Variants in SCUBE1 observed in about 807,000 individuals in gnomAD.
SCUBE1 encodes signal peptide, CUB and EGF-like domain-containing protein 1.
A neutral mutation model predicts 124.4 loss-of-function variants in SCUBE1; 59 were observed. The observed-to-expected ratio is 0.47, with a 90% CI of 0.38 to 0.59. SCUBE1 has a LOEUF of 0.59. SCUBE1 is among the 20% of genes least tolerant of loss of function. The probability of loss-of-function intolerance (pLI) is 0.00; values close to 1 mark genes in which losing one functional copy is unlikely to be tolerated. For synonymous variants in SCUBE1, 545 were observed against 550.9 expected, an observed-to-expected ratio of 0.99 and a Z score of 0.15; for missense variants, 1,150 against 1,371.2, an observed-to-expected ratio of 0.84 and a Z score of 2.55.
intron 3 of SCUBE1, among the ~76,000 whole-genome samples, chr22:43,295,568 G>A (rs1925526140): frequency 6.6e-6 from 1 of 152,214 alleles, no homozygotes; most frequent in African/African-American, 2.4e-5. Flanking sequence ...GGGGGCTTCA[G>A]CTGTGAGTGG....
intron 3 of SCUBE1, among the ~76,000 whole-genome samples, chr22:43,293,146 G>A (rs1167752992): frequency 6.6e-6 from 1 of 152,216 alleles, no homozygotes; most frequent in Non-Finnish European, 1.5e-5. Context: ...TGCCCCTGGG[G>A]TCTGTCTCCA....
At chr22:43,237,041 G>C (rs938433595) in intron 7 of SCUBE1, among the ~76,000 whole-genome samples, 2 of 151,932 alleles carry the variant, frequency 1.3e-5, no homozygotes, top group African/African-American at 4.8e-5. Context: ...TCTGGCCAAA[G>C]GGCTGAGTGG....
At chr22:43,330,145 C>T (rs8142062) in intron 2 of SCUBE1, among the ~76,000 whole-genome samples, 5,838 of 152,118 alleles carry the variant, frequency 0.038, 129 homozygotes, top group African/African-American at 0.047. Flanking sequence ...CTCCTCAAAT[C>T]TCTACTCAAA....
chr22:43,220,533 C>T lies in SCUBE1; in HGVS notation c.1604G>A (p.Arg535His), dbSNP rs771379788. 74 of 1,613,998 alleles carry T rather than the reference C, an allele frequency of 4.6e-5. No homozygotes were observed. The highest frequency in any genetic ancestry group is 2.0e-4 in the East Asian group (9 of 44,904). ...TLKCDSSKKRRRGRKSPSKEV... is the reference protein window; with the variant it reads ...TLKCDSSKKRHRGRKSPSKEV... ...CTTGGATGGGGACTTGCGGCCACGG[C>T]GCCTCTTCTTGGAGGAGTCACACTT... Residue 535 changes from arginine to histidine, a missense_variant, in exon 14 of 22, where the codon CGC (arginine) becomes CAC (histidine). Transcript: ENST00000360835.
chr22:43,341,812 TG>T (rs1409079891), intron 1 of SCUBE1, among the ~76,000 whole-genome samples: 2 of 152,098 alleles, frequency 1.3e-5, no homozygotes, highest in African/African-American at 4.8e-5. Context: ...GACATGCTGC[TG>T]GGGTTTCACA....
At chr22:43,245,179 C>T (rs1039839684) in intron 6 of SCUBE1, among the ~76,000 whole-genome samples, 1 of 152,284 alleles carries the variant, frequency 6.6e-6, no homozygotes, top group Non-Finnish European at 1.5e-5. Context: ...TGGCCCGTCA[C>T]TAGTGTTGTG....
chr22:43,310,380 G>A (rs1302903744), intron 3 of SCUBE1, among the ~76,000 whole-genome samples: 1 of 152,166 alleles, frequency 6.6e-6, no homozygotes. Context: ...GCCAAGCATG[G>A]GATTCTGTCG....
At chr22:43,282,886 G>A (rs1207256393) in intron 4 of SCUBE1, 4 of 152,060 alleles carry the variant, frequency 2.6e-5, no homozygotes, top group African/African-American at 9.7e-5. Context: ...TGTAGAGATG[G>A]GGTTTCTCCA....
Position 43,221,213 on chromosome 22 carries a change from G to A in SCUBE1, c.1509C>T (p.Ser503=). ...RDAKCHLRPH[S]QARAKETARQ... ...TGGCGGTCTCCTTTGCTCGTGCCTG[G>A]CTGTGGGGCCGGAGGTGGCACTTGG... The change falls in exon 13 of 22, where the codon AGC becomes AGT. Residue 503 remains serine, a synonymous_variant. Coordinates refer to ENST00000360835, the MANE Select transcript of SCUBE1 (RefSeq NM_173050.5). The A allele has an allele frequency of 2.1e-5, 34 of 1,611,576 alleles. No homozygotes were observed. Among genetic ancestry groups the A allele is most frequent in the Non-Finnish European group, 2.8e-5 (33 of 1,179,982 alleles).
At chr22:43,323,448 T>C (rs1926622639) in intron 2 of SCUBE1, among the ~76,000 whole-genome samples, 1 of 152,108 alleles carries the variant, frequency 6.6e-6, no homozygotes. Context: ...ACCCTTCCAT[T>C]TCTCCAATCA....
At chr22:43,204,238 G>C in intron 21 of SCUBE1, 89 bp from the exon 22 acceptor site, 7 of 1,165,772 alleles carry the variant, frequency 6.0e-6, no homozygotes, top group Non-Finnish European at 8.8e-6. Flanking sequence ...GGAGAGAGAT[G>C]CGCTGGCTGG....
At chr22:43,267,558 C>T (rs1302085841) in intron 4 of SCUBE1, among the ~76,000 whole-genome samples, 1 of 152,206 alleles carries the variant, frequency 6.6e-6, no homozygotes, top group East Asian at 1.9e-4. Context: ...ACAGTCCCTT[C>T]CCCCTCACTT....
chr22:43,231,609 C>T (rs1453403923), intron 8 of SCUBE1, 144 bp downstream of exon 8: 1 of 954,176 alleles, frequency 1.0e-6, no homozygotes. Flanking sequence ...CTGGATGTCC[C>T]CTAGAGTCGT....
In SCUBE1 at chr22:43,258,970, A is replaced by T. The variant is rs1371933637; in HGVS notation, c.611-635T>A. Among the ~76,000 whole-genome samples, 1 of 152,160 alleles carries T rather than the reference A, an allele frequency of 6.6e-6. No individual in the cohort carries two copies. The highest frequency in any genetic ancestry group is 1.5e-5 in the Non-Finnish European group (1 of 68,030). The stretch of plus-strand genomic sequence containing the variant: ...TGTCATCTGAGGTACGGTTTTGAAA[A>T]TCACCTAAATAATAACCACGTTACA... On this transcript the variant is annotated intron_variant, in intron 5 of 21. Transcript: ENST00000360835. This position sits in a 1 kb window ranked among gnomAD's most constrained non-coding sequence, Gnocchi z 5.0.
At chr22:43,218,649 G>A (rs1164920499) in intron 14 of SCUBE1, among the ~76,000 whole-genome samples, 191 bp from the exon 15 acceptor site, 1 of 152,242 alleles carries the variant, frequency 6.6e-6, no homozygotes, top group East Asian at 1.9e-4. Flanking sequence ...GACCTGGGAG[G>A]CAGGGCCTGC....
intron 2 of SCUBE1, among the ~76,000 whole-genome samples, chr22:43,335,279 TG>T (rs1927027102): frequency 6.6e-6 from 1 of 152,300 alleles, no homozygotes; most frequent in South Asian, 2.1e-4. Context: ...TGGTTCTCCG[TG>T]TTTATGTGTT....
intron 4 of SCUBE1, among the ~76,000 whole-genome samples, chr22:43,264,062 T>A (rs1923973951): frequency 6.6e-6 from 1 of 152,180 alleles, no homozygotes; most frequent in Non-Finnish European, 1.5e-5. Context: ...TTACGTGGGA[T>A]AAATACGCCA....
At chr22:43,302,241 T>C (rs894485733) in intron 3 of SCUBE1, among the ~76,000 whole-genome samples, 2 of 152,236 alleles carry the variant, frequency 1.3e-5, no homozygotes. Context: ...ACGGGATCCA[T>C]GTTGGGGGGC....
At chr22:43,319,872 T>A (rs2146784280) in intron 3 of SCUBE1, 65 bp downstream of exon 3, 1 of 1,585,998 alleles carries the variant, frequency 6.3e-7, no homozygotes. Context: ...CTCCCAACTC[T>A]GTAAGCTGGA....
Sources: allele counts gnomAD v4.1 joint callset (sites outside exome capture counted in the v4.1 genomes callset), GRCh38; gene constraint gnomAD v4.1.1; non-coding constraint Gnocchi (gnomAD v3.1); transcripts MANE v1.5; gene names NCBI Gene and HGNC (gene_info 2026-07-23, HGNC 2026-07-21).